Variants in MED15 observed in about 807,000 individuals in gnomAD.
MED15 encodes the protein mediator of RNA polymerase II transcription subunit 15.
In MED15, 41 loss-of-function variants were observed where a neutral mutation model predicts 118.7. That is an observed-to-expected ratio of 0.35 (90% CI 0.27 to 0.45). The LOEUF (loss-of-function observed/expected upper bound fraction) is 0.45, where lower values mean the gene tolerates loss of function less well. MED15 is among the 20% of genes least tolerant of loss of function. The probability of loss-of-function intolerance (pLI) is 1.00; values close to 1 mark genes in which losing one functional copy is unlikely to be tolerated. For synonymous variants in MED15, 436 were observed against 413.9 expected (o/e 1.05, Z -0.65); for missense variants, 740 against 1,025.5 (o/e 0.72, Z 3.80).
chr22:20,582,478 G>A (rs2057015658), intron 9 of MED15, 133 bp from the exon 10 acceptor site: 3 of 1,379,258 alleles, frequency 2.2e-6, no homozygotes, highest in African/African-American at 1.4e-5. Context: ...ATGTCCAGGT[G>A]GCATTTGGAT....
At chr22:20,528,168 G>A (rs2054725377) in intron 1 of MED15, among the ~76,000 whole-genome samples, 2 of 152,080 alleles carry the variant, frequency 1.3e-5, no homozygotes, top group Non-Finnish European at 2.9e-5. Context: ...GCCCTTGGCT[G>A]GTTGCTCACT....
chr22:20,560,554 C>T (rs780175328), intron 5 of MED15, among the ~76,000 whole-genome samples: 11 of 152,156 alleles, frequency 7.2e-5, no homozygotes, highest in African/African-American at 2.4e-4. Flanking sequence ...TGAGCCTCCG[C>T]GCCTGGCCTA....
At position 20,586,641 on chromosome 22, in the gene MED15, G is replaced by A. The variant is rs770935643; in HGVS notation, c.2304G>A (p.Ser768=). The change falls in exon 18 of 18, where the codon TCG becomes TCA. Residue 768 remains serine, a synonymous_variant. Coordinates refer to ENST00000263205, the MANE Select transcript of MED15 (RefSeq NM_001003891.3). ...SRLLQLPDKH[S]VTALLNTWAQ... Reference sequence around the variant, plus strand: ...TGCTGCAGCTCCCGGACAAGCACTCGGTCACCGCCTTGCTCAACACCTGGG... The same window carrying A: ...TGCTGCAGCTCCCGGACAAGCACTCAGTCACCGCCTTGCTCAACACCTGGG... 2.1e-5 allele frequency: 34 copies of A among 1,612,838 alleles called. No homozygotes were observed. The Middle Eastern group carries it at 8.2e-4, about 39-fold the overall frequency.
At chr22:20,517,164 T>C (rs539708088) in intron 1 of MED15, among the ~76,000 whole-genome samples, 11 of 152,176 alleles carry the variant, frequency 7.2e-5, no homozygotes, top group African/African-American at 2.4e-4. Flanking sequence ...TCTTGAACTC[T>C]TGGCCTCAAG....
chr22:20,583,050 T>C (rs953134587), intron 11 of MED15, 63 bp from the exon 12 acceptor site: 5 of 1,562,978 alleles, frequency 3.2e-6, no homozygotes, highest in Admixed American at 1.8e-5. Flanking sequence ...TCTGGGGCCC[T>C]CAGAGCTCAA....
At position 20,582,599 on chromosome 22, in the gene MED15, C is replaced by T. The variant is rs754284878; in HGVS notation, c.1273-12C>T. On this transcript the variant is annotated splice_polypyrimidine_tract_variant and intron_variant, in intron 9 of 17. Coordinates refer to ENST00000263205, the MANE Select transcript of MED15 (RefSeq NM_001003891.3). ...GTGTGGCAGCGCGCCGGCTGAGCCC[C>T]TCCACTTCCAGGTCAGCCAGAGCAG... The T allele has an allele frequency of 3.1e-5, 48 of 1,543,456 alleles. No homozygotes were observed. The highest frequency in any genetic ancestry group is 3.5e-5 in the Non-Finnish European group (40 of 1,150,352).
intron 8 of MED15, chr22:20,574,468 C>G (rs1433102350): frequency 1.3e-5 from 2 of 152,354 alleles, no homozygotes; most frequent in Non-Finnish European, 2.9e-5. Flanking sequence ...AGGGCGGAGG[C>G]CTGCCAAGCA....
intron 5 of MED15, among the ~76,000 whole-genome samples, chr22:20,556,192 A>G (rs1016938892): frequency 1.3e-5 from 2 of 152,106 alleles, no homozygotes; most frequent in Non-Finnish European, 2.9e-5. Context: ...CATGCCCTTT[A>G]CCCAGCTCTC....
At chr22:20,539,328 C>G (rs911601559) in intron 2 of MED15, among the ~76,000 whole-genome samples, 2 of 152,062 alleles carry the variant, frequency 1.3e-5, no homozygotes, top group African/African-American at 4.8e-5. Flanking sequence ...CCAGGCTGGT[C>G]TCAAACTCCT....
chr22:20,581,420 G>C (rs190788778), intron 9 of MED15, among the ~76,000 whole-genome samples: 1 of 152,304 alleles, frequency 6.6e-6, no homozygotes, highest in Admixed American at 6.5e-5. Context: ...CTTGGGGGGT[G>C]GTGTGAGCCG....
chr22:20,578,003 C>T (rs1474888987), intron 9 of MED15, among the ~76,000 whole-genome samples: 1 of 152,126 alleles, frequency 6.6e-6, no homozygotes, highest in Non-Finnish European at 1.5e-5. Flanking sequence ...TGGCTCACTG[C>T]AACCTCCACC....
intron 5 of MED15, among the ~76,000 whole-genome samples, chr22:20,557,571 A>T (rs571120296): frequency 5.0e-4 from 75 of 148,688 alleles, no homozygotes; most frequent in Non-Finnish European, 7.6e-4. Flanking sequence ...TACTTGGTGC[A>T]TTTTTTTTTT....
intron 8 of MED15, among the ~76,000 whole-genome samples, chr22:20,571,407 T>C (rs2056657418): frequency 6.6e-6 from 1 of 152,234 alleles, no homozygotes; most frequent in Non-Finnish European, 1.5e-5. Flanking sequence ...TAAGGATCAT[T>C]GCCCACCTGC....
At position 20,544,470 on chromosome 22, in the gene MED15, C is replaced by A. The variant is rs145331946; in HGVS notation, c.157-6966C>A. Among the ~76,000 whole-genome samples the A allele has an allele frequency of 2.3e-3, 345 of 152,280 alleles. 3 individuals are homozygous for A. Among genetic ancestry groups the A allele is most frequent in the African/African-American group, 7.7e-3 (322 of 41,554 alleles). ...CACAAGATCAGGAGATCGCAACCAT[C>A]CTGGCTAACATGGTGAAACCCCCGT... On this transcript the variant is annotated intron_variant, in intron 2 of 17. Coordinates refer to ENST00000263205, the MANE Select transcript of MED15 (RefSeq NM_001003891.3).
At chr22:20,538,190 T>A in intron 2 of MED15, among the ~76,000 whole-genome samples, 1 of 152,002 alleles carries the variant, frequency 6.6e-6, no homozygotes, top group East Asian at 1.9e-4. Flanking sequence ...TACGCCATCC[T>A]CTTGCCTAGG....
In MED15 at chr22:20,545,674, T is replaced by A. The variant is rs115581553; in HGVS notation, c.157-5762T>A. On this transcript the variant is annotated intron_variant, in intron 2 of 17. Coordinates refer to ENST00000263205, the MANE Select transcript of MED15 (RefSeq NM_001003891.3). ...GGTCTGTTTTCCCTTGGTGGCCAGG[T>A]CAGGGCCGTGTGGTTTCCTTGGGTG... Among the ~76,000 whole-genome samples, 1,003 of 152,124 alleles carry A rather than the reference T, an allele frequency of 6.6e-3. 10 individuals carry two copies. The highest frequency in any genetic ancestry group is 0.022 in the African/African-American group (929 of 41,498).
Position 20,584,440 on chromosome 22 carries a change from A to G in MED15, c.1803+15A>G, listed in dbSNP as rs761248623. 8.7e-6 allele frequency: 14 copies of G among 1,613,228 alleles called. No individual in the cohort carries two copies. Among genetic ancestry groups the G allele is most frequent in the Non-Finnish European group, 1.0e-5 (12 of 1,179,458 alleles). ...ACATGGCGGTGGTGAGTGGGATGCCAGACACCCCTAGGGGAACCAGGGCTC... is the reference window on the plus strand; with the variant it reads ...ACATGGCGGTGGTGAGTGGGATGCCGGACACCCCTAGGGGAACCAGGGCTC... On this transcript the variant is annotated intron_variant, in intron 14 of 17. Coordinates refer to ENST00000263205, the MANE Select transcript of MED15 (RefSeq NM_001003891.3).
chr22:20,520,401 C>T (rs1425224677), intron 1 of MED15, among the ~76,000 whole-genome samples: 2 of 152,206 alleles, frequency 1.3e-5, no homozygotes, highest in Non-Finnish European at 2.9e-5. Flanking sequence ...TCAGAAGCCT[C>T]GGTGGGTCAC....
chr22:20,565,114 C>A (rs2056389477), intron 6 of MED15, among the ~76,000 whole-genome samples: 1 of 152,120 alleles, frequency 6.6e-6, no homozygotes, highest in African/African-American at 2.4e-5. Context: ...AGCAGTGAGA[C>A]TCCGTCTCAA....
Sources: gnomAD v4.1 joint callset for allele counts (sites outside exome capture counted in the v4.1 genomes callset) on GRCh38, gnomAD v4.1.1 for gene constraint, MANE v1.5 for transcripts, NCBI Gene and HGNC (gene_info 2026-07-23, HGNC 2026-07-21) for gene names.